The following PAPPA variants were observed in gnomAD, a reference collection of about 807,000 sequenced individuals.
PAPPA encodes the protein pappalysin-1.
PAPPA carries 60 observed loss-of-function variants against 164.0 expected under a neutral mutation model. The ratio of observed to expected loss-of-function variants is 0.37; its 90% CI spans 0.30 to 0.45. PAPPA has a LOEUF of 0.45. Among genes scored for constraint, PAPPA ranks in the 20% least tolerant of loss-of-function variants. The pLI is 1.00. For synonymous variants in PAPPA, 875 were observed against 814.1 expected (o/e 1.07, Z -1.27); for missense variants, 1,782 against 2,087.3 (o/e 0.85, Z 2.85).
At chr9:116,180,350 A>G (rs1324902451) in intron 1 of PAPPA, among the ~76,000 whole-genome samples, 1 of 152,046 alleles carries the variant, frequency 6.6e-6, no homozygotes, top group East Asian at 1.9e-4. Flanking sequence ...TCTGGAGTGA[A>G]AGAGATGAGA....
intron 6 of PAPPA, among the ~76,000 whole-genome samples, chr9:116,231,196 G>C (rs1844587642): frequency 6.6e-6 from 1 of 152,096 alleles, no homozygotes; most frequent in Admixed American, 6.5e-5. Context: ...CTAGTGGACA[G>C]TTTATATAAA....
intron 1 of PAPPA, among the ~76,000 whole-genome samples, chr9:116,173,821 A>T (rs377488246): frequency 6.6e-6 from 1 of 152,214 alleles, no homozygotes; most frequent in East Asian, 1.9e-4. Flanking sequence ...GTCAGAATCA[A>T]GTAGTCTTTC....
chr9:116,290,694 TTCTC>T (rs891520827), intron 9 of PAPPA, among the ~76,000 whole-genome samples: 4 of 151,884 alleles, frequency 2.6e-5, no homozygotes, highest in Admixed American at 1.3e-4. Flanking sequence ...CTTCCTTCCT[TTCTC>T]TCTCTCTTTT....
chr9:116,162,185 A>C (rs1843676434), intron 1 of PAPPA, among the ~76,000 whole-genome samples: 1 of 152,164 alleles, frequency 6.6e-6, no homozygotes, highest in Non-Finnish European at 1.5e-5. Flanking sequence ...CTGCAATAAG[A>C]AGCTTTTGAG....
chr9:116,219,641 C>A (rs570433151), intron 4 of PAPPA, among the ~76,000 whole-genome samples: 2 of 152,302 alleles, frequency 1.3e-5, no homozygotes, highest in South Asian at 4.2e-4. Context: ...AATAGCTCAT[C>A]TTGCCTGTGT....
chr9:116,257,699 C>T (rs1844947641), intron 7 of PAPPA, among the ~76,000 whole-genome samples: 1 of 151,698 alleles, frequency 6.6e-6, no homozygotes, highest in African/African-American at 2.4e-5. Flanking sequence ...GAGACTCCGT[C>T]TCAAAAAACA....
chr9:116,259,421 C>T (rs1844974908), intron 7 of PAPPA, among the ~76,000 whole-genome samples: 1 of 151,672 alleles, frequency 6.6e-6, no homozygotes, highest in Non-Finnish European at 1.5e-5. Context: ...AATTAATATC[C>T]AGTATATGTA....
chr9:116,225,550 A>G (rs1053444024), intron 5 of PAPPA, among the ~76,000 whole-genome samples: 1 of 152,188 alleles, frequency 6.6e-6, no homozygotes, highest in Non-Finnish European at 1.5e-5. Context: ...TTAATATTAT[A>G]GCTTACACAT....
chr9:116,186,299 C>CAG (rs1334134359), intron 1 of PAPPA, among the ~76,000 whole-genome samples: 1 of 149,726 alleles, frequency 6.7e-6, no homozygotes, highest in Non-Finnish European at 1.5e-5. Context: ...TATATATAGA[C>CAG]AGAGAGAGAG....
In PAPPA at chr9:116,217,301, T is replaced by C. The variant is rs565199301; in HGVS notation, c.1919-2636T>C. On this transcript the variant is annotated intron_variant, in intron 4 of 21. Coordinates refer to ENST00000328252, the MANE Select transcript of PAPPA (RefSeq NM_002581.5). The stretch of plus-strand genomic sequence containing the variant: ...ATTGAATTCTCACAACTTCATGGTT[T>C]GGAGTTTATTTAAATGCCCCCAATT... 2.6e-5 allele frequency among the ~76,000 whole-genome samples: 4 copies of C among 152,322 alleles called. No homozygotes were observed. The East Asian group carries it at 7.7e-4, about 29-fold the overall frequency.
chr9:116,260,160 A>G (rs1193142879), intron 7 of PAPPA, among the ~76,000 whole-genome samples: 1 of 152,196 alleles, frequency 6.6e-6, no homozygotes, highest in African/African-American at 2.4e-5. Context: ...TGGGAAGGAA[A>G]TGAGATACAG....
chr9:116,199,347 A>G (rs967130995), intron 2 of PAPPA, among the ~76,000 whole-genome samples: 1 of 152,246 alleles, frequency 6.6e-6, no homozygotes, highest in Non-Finnish European at 1.5e-5. Context: ...TGTGACTGAT[A>G]AAAGAAAAAT....
chr9:116,379,352 C>A (rs572867854), intron 20 of PAPPA, among the ~76,000 whole-genome samples: 1 of 152,278 alleles, frequency 6.6e-6, no homozygotes, highest in South Asian at 2.1e-4. Flanking sequence ...GGTTTGGGGA[C>A]CCCTGAGCCC....
intron 1 of PAPPA, among the ~76,000 whole-genome samples, chr9:116,169,439 C>T (rs886088331): frequency 6.7e-5 from 10 of 149,586 alleles, no homozygotes; most frequent in Non-Finnish European, 1.2e-4. Context: ...CCTGCCTCAG[C>T]CTCCCGAGTA....
At chr9:116,278,943 C>G in intron 9 of PAPPA, among the ~76,000 whole-genome samples, 1 of 152,172 alleles carries the variant, frequency 6.6e-6, no homozygotes, top group Admixed American at 6.5e-5. Context: ...CCTCTTCTTC[C>G]CCTTCCTCAT....
chr9:116,321,028 A>G (rs1845848174), intron 10 of PAPPA, among the ~76,000 whole-genome samples: 1 of 151,264 alleles, frequency 6.6e-6, no homozygotes, highest in African/African-American at 2.4e-5. Flanking sequence ...TTGTTGTTAT[A>G]CATTTTTTTT....
intron 1 of PAPPA, among the ~76,000 whole-genome samples, chr9:116,177,556 C>T (rs1843851859): frequency 6.6e-6 from 1 of 152,174 alleles, no homozygotes; most frequent in South Asian, 2.1e-4. Context: ...CCAGCCCTGA[C>T]TCTGCCTAAT....
intron 9 of PAPPA, among the ~76,000 whole-genome samples, chr9:116,281,634 T>C (rs1038767419): frequency 1.3e-5 from 2 of 152,162 alleles, no homozygotes; most frequent in Non-Finnish European, 2.9e-5. Flanking sequence ...CCTGCTGCAG[T>C]AGCTCATTTC....
intron 21 of PAPPA, 114 bp from the exon 22 acceptor site, chr9:116,396,395 T>C (rs1846963510): frequency 2.7e-6 from 2 of 728,738 alleles, no homozygotes; most frequent in African/African-American, 1.8e-5. Context: ...GAGCCATAAC[T>C]TGAACTTGAA....
Sources: gnomAD v4.1 joint callset for allele counts (sites outside exome capture counted in the v4.1 genomes callset) on GRCh38, gnomAD v4.1.1 for gene constraint, MANE v1.5 for transcripts, NCBI Gene and HGNC (gene_info 2026-07-23, HGNC 2026-07-21) for gene names.